The following RGS17 variants were observed in gnomAD, a reference collection of about 807,000 sequenced individuals.
The protein encoded by RGS17 is regulator of G-protein signaling 17.
RGS17 carries 12 observed loss-of-function variants against 25.5 expected under a neutral mutation model. The observed-to-expected ratio is 0.47, with a 90% CI of 0.30 to 0.76. The LOEUF is 0.76. RGS17 is among the 30% of genes least tolerant of loss of function. The pLI is 0.07. For missense variants in RGS17, 196 were observed against 242.2 expected (o/e 0.81, Z 1.27); for synonymous variants, 71 against 76.9 (o/e 0.92, Z 0.40).
chr6:153,093,840 C>T (rs1006027726), intron 1 of RGS17, among the ~76,000 whole-genome samples: 2 of 152,120 alleles, frequency 1.3e-5, no homozygotes, highest in Non-Finnish European at 2.9e-5. Flanking sequence ...TTCAGCCCTA[C>T]CTATACTAAA....
intron 1 of RGS17, among the ~76,000 whole-genome samples, chr6:153,053,361 C>T (rs189445816): frequency 3.5e-4 from 53 of 152,208 alleles, no homozygotes; most frequent in East Asian, 1.9e-4. Context: ...GTGTAACATA[C>T]GCAGTTACAG....
chr6:153,085,507 A>G (rs1584149994), intron 1 of RGS17, among the ~76,000 whole-genome samples: 1 of 152,300 alleles, frequency 6.6e-6, no homozygotes, highest in Non-Finnish European at 1.5e-5. Flanking sequence ...TCCAGTCTGT[A>G]AAATGTTTAT....
chr6:153,107,967 T>G (rs916127838), intron 1 of RGS17, among the ~76,000 whole-genome samples: 1 of 152,150 alleles, frequency 6.6e-6, no homozygotes. Context: ...AAATCACAGG[T>G]AAAAGGGGAG....
chr6:153,029,878 T>A (rs1779343273), intron 2 of RGS17, among the ~76,000 whole-genome samples: 1 of 152,212 alleles, frequency 6.6e-6, no homozygotes, highest in African/African-American at 2.4e-5. Context: ...TCTTGTTTTT[T>A]CTTTTTAGCC....
At chr6:153,040,896 G>A (rs140278360) in intron 2 of RGS17, among the ~76,000 whole-genome samples, 284 of 151,484 alleles carry the variant, frequency 1.9e-3, no homozygotes, top group Non-Finnish European at 3.2e-3. Context: ...GCTCATGGCT[G>A]TAAATCTCAG....
chr6:153,104,307 CA>C (rs1228631863), intron 1 of RGS17, among the ~76,000 whole-genome samples: 1 of 152,114 alleles, frequency 6.6e-6, no homozygotes, highest in Non-Finnish European at 1.5e-5. Context: ...CCTAGTAATT[CA>C]CTAGGTATCA....
At chr6:153,061,398 A>C (rs1329270470) in intron 1 of RGS17, among the ~76,000 whole-genome samples, 5 of 152,212 alleles carry the variant, frequency 3.3e-5, no homozygotes, top group Non-Finnish European at 4.4e-5. Context: ...TCTATGTGAC[A>C]TGTTCATTTT....
At chr6:153,052,115 G>C (rs911323530) in intron 1 of RGS17, among the ~76,000 whole-genome samples, 11 of 152,160 alleles carry the variant, frequency 7.2e-5, no homozygotes, top group Admixed American at 2.0e-4. Flanking sequence ...CAACAAGTTA[G>C]ATTACCTCCA....
At chr6:153,031,803 C>A (rs567899936) in intron 2 of RGS17, among the ~76,000 whole-genome samples, 37 of 152,284 alleles carry the variant, frequency 2.4e-4, no homozygotes, top group African/African-American at 8.7e-4. Context: ...AGCTATCACT[C>A]CATAGGAGCT....
intron 1 of RGS17, among the ~76,000 whole-genome samples, chr6:153,061,952 C>T (rs1005466585): frequency 1.3e-5 from 2 of 152,154 alleles, no homozygotes; most frequent in Non-Finnish European, 2.9e-5. Context: ...TTAAACCTAG[C>T]TGATATCTAT....
At chr6:153,030,266 G>GT (rs1045939710) in intron 2 of RGS17, among the ~76,000 whole-genome samples, 5 of 152,138 alleles carry the variant, frequency 3.3e-5, no homozygotes, top group African/African-American at 1.2e-4. Flanking sequence ...CAATTATACA[G>GT]TTTATCTACT....
At chr6:153,081,478 T>C (rs963047340) in intron 1 of RGS17, among the ~76,000 whole-genome samples, 5 of 150,378 alleles carry the variant, frequency 3.3e-5, no homozygotes, top group African/African-American at 1.2e-4. Flanking sequence ...AAGTGAGTAT[T>C]TTTGTAGATC....
chr6:153,117,843 G>A (rs1435511315), intron 1 of RGS17, among the ~76,000 whole-genome samples: 7 of 152,132 alleles, frequency 4.6e-5, no homozygotes, highest in Middle Eastern at 3.2e-3. Flanking sequence ...ACTGCTTGGT[G>A]TACTAGCTTA....
chr6:153,108,462 T>C (rs1050655723), intron 1 of RGS17, among the ~76,000 whole-genome samples: 27 of 152,000 alleles, frequency 1.8e-4, no homozygotes, highest in Non-Finnish European at 7.4e-5. Context: ...TCCTGGGAAA[T>C]TCCTGGAGGG....
At chr6:153,082,543 ATTTT>A (rs1777000126) in intron 1 of RGS17, among the ~76,000 whole-genome samples, 1 of 152,058 alleles carries the variant, frequency 6.6e-6, no homozygotes, top group South Asian at 2.1e-4. Flanking sequence ...TTACTTTGTA[ATTTT>A]TTTATATCTG....
intron 1 of RGS17, among the ~76,000 whole-genome samples, chr6:153,055,669 T>C (rs1257629969): frequency 1.3e-5 from 2 of 152,206 alleles, no homozygotes; most frequent in East Asian, 3.8e-4. Context: ...AAAGTTGGTA[T>C]GGAAGAAATA....
rs560938894 is a variant in RGS17 at position 153,029,240 on chromosome 6, A to T, written c.120-2697T>A. On this transcript the variant is annotated intron_variant, in intron 2 of 4. Transcript: ENST00000206262. ...CCTGTAGAAATTGAACTTTGGCAACAGACAAATTGTCCTTTTTATTAACTG... is the reference window on the plus strand; with the variant it reads ...CCTGTAGAAATTGAACTTTGGCAACTGACAAATTGTCCTTTTTATTAACTG... Among the ~76,000 whole-genome samples the T allele has an allele frequency of 4.6e-5, 7 of 152,362 alleles. No individual in the cohort carries two copies. In the South Asian group the frequency reaches 1.4e-3, roughly 32 times the overall value.
chr6:153,087,443 C>A (rs1777066816), intron 1 of RGS17, among the ~76,000 whole-genome samples: 1 of 152,206 alleles, frequency 6.6e-6, no homozygotes, highest in African/African-American at 2.4e-5. Flanking sequence ...TCTATAAAAA[C>A]AAATACACAT....
chr6:153,029,574 C>CTT (rs67471007), intron 2 of RGS17, among the ~76,000 whole-genome samples: 10 of 148,512 alleles, frequency 6.7e-5, no homozygotes, highest in African/African-American at 2.0e-4. Flanking sequence ...CATAGAGACA[C>CTT]TTTTTTTTTT....
Sources: gnomAD v4.1 joint callset for allele counts (sites outside exome capture counted in the v4.1 genomes callset) on GRCh38, gnomAD v4.1.1 for gene constraint, MANE v1.5 for transcripts, NCBI Gene and HGNC (gene_info 2026-07-23, HGNC 2026-07-21) for gene names.